Variants in KLC4 observed in about 807,000 individuals in gnomAD.
The protein encoded by KLC4 is kinesin light chain 4, also known as kinesin-like protein 8.
Under a neutral mutation model 77.2 loss-of-function variants are expected in KLC4, and 49 were observed. The ratio of observed to expected loss-of-function variants is 0.63; its 90% CI spans 0.50 to 0.80. The LOEUF is 0.80. Ranked by LOEUF, KLC4 falls within the 30% of genes least tolerant of loss-of-function variation. The probability of loss-of-function intolerance (pLI) is 0.00; values close to 1 mark genes in which losing one functional copy is unlikely to be tolerated. For synonymous variants in KLC4, 274 were observed against 314.5 expected (o/e 0.87, Z 1.36); for missense variants, 669 against 793.5 (o/e 0.84, Z 1.89).
At chr6:43,072,680 G>T in intron 12 of KLC4, 144 bp from the exon 13 acceptor site, 1 of 707,010 alleles carries the variant, frequency 1.4e-6, no homozygotes, top group Non-Finnish European at 2.4e-6. Flanking sequence ...AATAGAAAAG[G>T]TAAGTATTAT....
rs375169966 is a variant in KLC4, at chr6:43,073,643, G to A, written c.1746-259G>A. 66 of 516,694 alleles carry A rather than the reference G, an allele frequency of 1.3e-4. No individual in the cohort carries two copies. In the East Asian group the frequency reaches 1.4e-3, roughly 11 times the overall value. 32.0% of individuals were successfully genotyped at this position (516,694 alleles called of 1,614,324 possible). On this transcript the variant is annotated intron_variant, in intron 14 of 15. Transcript: ENST00000347162. ...GCCCAGGCGACAACAGCGAGACTCC[G>A]TCTCAAAAAAAAAAAGAAAAAAAAA... is the stretch of plus-strand genomic sequence containing the variant.
In KLC4 at chr6:43,074,611, G is replaced by T. The variant is rs769456637; in HGVS notation, c.1810-11G>T. On this transcript the variant is annotated splice_polypyrimidine_tract_variant and intron_variant, in intron 15 of 15. Coordinates refer to ENST00000347162, the MANE Select transcript of KLC4 (RefSeq NM_201521.3). ...GTCCCTGAGCTGATGGGGTAGTGTT[G>T]TCTGTTTCAGGTCTCCCGGGGCCTC... 1 of 1,613,908 alleles carries T rather than the reference G, an allele frequency of 6.2e-7. No homozygotes were observed. Among genetic ancestry groups the T allele is most frequent in the Non-Finnish European group, 8.5e-7 (1 of 1,179,780 alleles).
At position 43,071,289 on chromosome 6, in the gene KLC4, G is replaced by A. The variant is rs1354659804; in HGVS notation, c.1170G>A (p.Leu390=). The A allele has an allele frequency of 2.5e-6, 4 of 1,612,858 alleles. No individual in the cohort carries two copies. The South Asian group carries it at 3.3e-5, about 13-fold the overall frequency. ...CTGTCCTCCAGGCTTCCTGTTACCT[G>A]AAACAGGGCAAATATGCTGAGGCTG... The part of the protein sequence containing the change: ...RTKNNLASCY[L]KQGKYAEAET... The change falls in exon 9 of 16, where the codon CTG becomes CTA. Residue 390 remains leucine (L), a synonymous_variant. Coordinates refer to ENST00000347162, the MANE Select transcript of KLC4 (RefSeq NM_201521.3).
chr6:43,067,269 C>G (rs4714661), intron 6 of KLC4, 186 bp downstream of exon 6: 1 of 1,258,268 alleles, frequency 7.9e-7, no homozygotes, highest in Non-Finnish European at 1.0e-6. Flanking sequence ...CTCTGAGACT[C>G]AGTGACTCCT....
intron 12 of KLC4, 22 bp from the exon 13 acceptor site, chr6:43,072,802 A>G: frequency 6.2e-7 from 1 of 1,612,720 alleles, no homozygotes; most frequent in Non-Finnish European, 8.5e-7. Flanking sequence ...AGGAAGTCCC[A>G]GGTCCTTCCT....
chr6:43,073,657 AAG>A (rs1765838179), intron 14 of KLC4: 4 of 551,244 alleles, frequency 7.3e-6, no homozygotes, highest in East Asian at 3.1e-5. Context: ...CAAAAAAAAA[AAG>A]AAAAAAAAAA....
intron 6 of KLC4, 135 bp from the exon 7 acceptor site, chr6:43,070,219 T>G (rs1230315676): frequency 3.4e-6 from 2 of 582,200 alleles, no homozygotes; most frequent in Non-Finnish European, 6.1e-6. Flanking sequence ...CTTCAGCCCC[T>G]GGCTCCAGGG....
intron 11 of KLC4, 108 bp downstream of exon 11, chr6:43,072,030 T>C: frequency 2.1e-6 from 3 of 1,395,418 alleles, no homozygotes; most frequent in Non-Finnish European, 3.0e-6. Context: ...CCCTCAGCTT[T>C]AGCTCTGTTC....
At chr6:43,066,959 G>A (rs1243823339) in intron 5 of KLC4, 37 bp from the exon 6 acceptor site, 3 of 1,592,710 alleles carry the variant, frequency 1.9e-6, no homozygotes, top group African/African-American at 2.7e-5. Flanking sequence ...AGGCTTGCGG[G>A]TTCAGGGTAA....
At position 43,070,830 on chromosome 6, in the gene KLC4, G is replaced by A. The variant is rs767607990; in HGVS notation, c.1120G>A (p.Asp374Asn). 32 of 1,572,662 alleles carry A rather than the reference G, an allele frequency of 2.0e-5. No individual in the cohort carries two copies. Among genetic ancestry groups the A allele is most frequent in the Non-Finnish European group, 2.0e-5 (23 of 1,155,508 alleles). Residue 374 changes from aspartate (D) to asparagine (N), a missense_variant, in exon 8 of 16, where the codon GAC (aspartate) becomes AAC (asparagine). Asp to Asn is a conservative substitution (Grantham distance 23). Transcript: ENST00000347162. ...CATCTACGAGGGGCAGCTGGGGCCG[G>A]ACAACCCTAATGTAGCCCGGACCAA... The part of the protein sequence containing the change: ...LAIYEGQLGP[D>N]NPNVARTKNN...
rs1298516791 is a variant in KLC4 at position 43,061,299 on chromosome 6, G to A, written c.-25-12G>A. ...ATCTTTACACCAGCTGAACTCTGTT[G>A]TTTCTCCCTAGACCGGGCAAGGTCC... On this transcript the variant is annotated splice_polypyrimidine_tract_variant and intron_variant, in intron 1 of 15. Transcript: ENST00000347162. The A allele has an allele frequency of 5.0e-6, 8 of 1,606,124 alleles. No individual in the cohort carries two copies. In the East Asian group the frequency reaches 1.8e-4, roughly 36 times the overall value.
At chr6:43,060,026 C>G in intron 1 of KLC4, 1 of 1,458,018 alleles carries the variant, frequency 6.9e-7, no homozygotes, top group East Asian at 2.5e-5. Context: ...AGGTCGACAG[C>G]CCGAGGCACT....
chr6:43,066,202 T>G (rs1304151451), intron 4 of KLC4, 104 bp from the exon 5 acceptor site: 1 of 930,516 alleles, frequency 1.1e-6, no homozygotes, highest in Non-Finnish European at 1.7e-6. Context: ...AGAGTCCAGG[T>G]TGGGGTGGGC....
Position 43,072,913 on chromosome 6 carries a change from T to C in KLC4, c.1578T>C (p.Ser526=), listed in dbSNP as rs1324279403. ...RRTSQEGPGD[S]VKFEGGEDAS... The stretch of plus-strand genomic sequence containing the variant: ...CCTCCCAGGAGGGCCCTGGAGACAG[T>C]GTGAAATTCGAGGGAGGTGAAGATG... Residue 526 remains serine, a synonymous_variant, in exon 13 of 16, where the codon AGT becomes AGC. Coordinates refer to ENST00000347162, the MANE Select transcript of KLC4 (RefSeq NM_201521.3). 1.4e-5 allele frequency: 23 copies of C among 1,610,232 alleles called. No individual in the cohort carries two copies. Among genetic ancestry groups the C allele is most frequent in the Non-Finnish European group, 2.0e-5 (23 of 1,178,736 alleles).
In KLC4 at chr6:43,060,316, T is replaced by C. The variant is rs746694767; in HGVS notation, c.-26+631T>C. 33 of 1,597,002 alleles carry C rather than the reference T, an allele frequency of 2.1e-5. 1 individual carries two copies. The highest frequency in any genetic ancestry group is 2.7e-5 in the Non-Finnish European group (31 of 1,169,674). On this transcript the variant is annotated intron_variant, in intron 1 of 15. Coordinates refer to ENST00000347162, the MANE Select transcript of KLC4 (RefSeq NM_201521.3). ...AAGTCTCTCTCTCTCATTCCCTTCC[T>C]GGGAGACAGTAGCTCCCTAGGCCTG...
rs1227778475 is a variant in KLC4, at chr6:43,074,713, C to G, written c.*41C>G. ...CCAGGTCTGCTGGGTCCCCCCACCC[C>G]CACAGCCCTCACAGCATTCCCCATT... On this transcript the variant is annotated 3_prime_UTR_variant, in exon 16 of 16. Coordinates refer to ENST00000347162, the MANE Select transcript of KLC4 (RefSeq NM_201521.3). 5 of 1,543,914 alleles carry G rather than the reference C, an allele frequency of 3.2e-6. No individual in the cohort carries two copies. The African/African-American group carries it at 6.8e-5, about 21-fold the overall frequency.
intron 6 of KLC4, 23 bp downstream of exon 6, chr6:43,067,106 A>ACCCCCCCCC: frequency 1.0e-6 from 1 of 988,862 alleles, no homozygotes; most frequent in Non-Finnish European, 1.5e-6. Flanking sequence ...TGCCCTCCCC[A>ACCCCCCCCC]CCCCACGCCC....
chr6:43,062,853 C>T, intron 2 of KLC4, 64 bp from the exon 3 acceptor site: 2 of 1,401,160 alleles, frequency 1.4e-6, no homozygotes, highest in Non-Finnish European at 2.0e-6. Context: ...CAGTAGGCTC[C>T]CCTTCCACCT....
chr6:43,059,861 G>C, intron 1 of KLC4, 176 bp downstream of exon 1: 1 of 1,186,648 alleles, frequency 8.4e-7, no homozygotes, highest in Non-Finnish European at 1.0e-6. Context: ...ATAGACAGAC[G>C]ACCTGCCCCG....
Sources: gnomAD v4.1 joint callset for allele counts on GRCh38, gnomAD v4.1.1 for gene constraint, MANE v1.5 for transcripts, NCBI Gene and HGNC (gene_info 2026-07-23, HGNC 2026-07-21) for gene names.